The following RBBP8NL variants were observed in gnomAD, a reference collection of about 807,000 sequenced individuals.
RBBP8NL encodes the protein RBBP8 N-terminal-like protein.
Under a neutral mutation model 62.2 loss-of-function variants are expected in RBBP8NL, and 59 were observed. The ratio of observed to expected loss-of-function variants is 0.95; its 90% confidence interval spans 0.77 to 1.18. RBBP8NL has a LOEUF of 1.18. RBBP8NL is among the 50% of genes most tolerant of loss of function. The pLI is 0.00. For missense variants in RBBP8NL, 896 were observed against 899.5 expected, an observed-to-expected ratio of 1.00 and a Z score of 0.05; for synonymous variants, 412 against 394.1, an observed-to-expected ratio of 1.05 and a Z score of -0.54.
intron 6 of RBBP8NL, 87 bp downstream of exon 6, chr20:62,416,077 G>A (rs929481311): frequency 7.4e-6 from 11 of 1,488,992 alleles, no homozygotes; most frequent in Non-Finnish European, 7.3e-6. Context: ...TCCTCCATGG[G>A]CGGTTCCCCC....
Position 62,413,774 on chromosome 20 carries a change from G to T in RBBP8NL, c.1530+47C>A, listed in dbSNP as rs758916726. The T allele has an allele frequency of 3.9e-6, 6 of 1,534,478 alleles. No individual in the cohort carries two copies. The South Asian group carries it at 5.1e-5, about 13-fold the overall frequency. On this transcript the variant is annotated intron_variant, in intron 10 of 13. Transcript: ENST00000252998. ...GGGGGGAGGCCGGCCCGGGGTGGGG[G>T]ACGTGGAGGCTGAGGACCGGGTCTG... is the stretch of plus-strand genomic sequence containing the variant.
rs747792145 is a variant in RBBP8NL at position 62,415,739 on chromosome 20, T to A, written c.544+49A>T. 4.3e-6 allele frequency: 7 copies of A among 1,609,610 alleles called. No individual in the cohort carries two copies. In the East Asian group the frequency reaches 1.6e-4, roughly 36 times the overall value. On this transcript the variant is annotated intron_variant, in intron 7 of 13. Transcript: ENST00000252998. ...GGCCCAGCCCCAGGGGGAGGATCCC[T>A]GGTCCTGCGGGGGCCCAGCCTCCCA...
chr20:62,426,375 T>C (rs1483711887), intron 1 of RBBP8NL, among the ~76,000 whole-genome samples: 1 of 152,238 alleles, frequency 6.6e-6, no homozygotes, highest in Non-Finnish European at 1.5e-5. Flanking sequence ...CCCCAAGGGA[T>C]TCCCCTGCCC....
At chr20:62,413,749 G>A in intron 10 of RBBP8NL, 72 bp downstream of exon 10, 4 of 1,501,034 alleles carry the variant, frequency 2.7e-6, no homozygotes, top group Non-Finnish European at 2.7e-6. Context: ...CCCGAGGTCT[G>A]GGGGGAGGCC....
chr20:62,419,387 C>T (rs1290871398), intron 2 of RBBP8NL, among the ~76,000 whole-genome samples, 200 bp downstream of exon 2: 1 of 152,268 alleles, frequency 6.6e-6, no homozygotes, highest in East Asian at 1.9e-4. Flanking sequence ...GGTCAGCACT[C>T]GGGCCCAGGC....
Position 62,413,913 on chromosome 20 carries a change from G to A in RBBP8NL, c.1438C>T (p.Gln480Ter), listed in dbSNP as rs1988495398. 1.3e-6 allele frequency: 2 copies of A among 1,593,458 alleles called. No homozygotes were observed. Among genetic ancestry groups the A allele is most frequent in the Non-Finnish European group, 1.7e-6 (2 of 1,170,894 alleles). The change falls in exon 10 of 14, where the codon CAG (glutamine) becomes TAG (stop). Residue 480 changes from glutamine (Q) to a stop codon, truncating the protein, a stop_gained. Transcript: ENST00000252998. LOFTEE classifies it high-confidence loss of function. Reference protein sequence around the residue: ...AHTASPEPPTQSGPLTRSPQA... With the variant: ...AHTASPEPPT ...GGACTGCGAGTCAGGGGTCCGGACTGGGTGGGTGGCTCGGGGCTGGCAGTG... is the reference window on the plus strand; with the variant it reads ...GGACTGCGAGTCAGGGGTCCGGACTAGGTGGGTGGCTCGGGGCTGGCAGTG...
At chr20:62,427,340 C>T (rs1279747747) in intron 1 of RBBP8NL, 120 bp downstream of exon 1, 2 of 152,290 alleles carry the variant, frequency 1.3e-5, no homozygotes, top group African/African-American at 2.4e-5. Flanking sequence ...CACCCACCCC[C>T]GCGGCTCTCC....
At chr20:62,421,754 C>A (rs1988705376) in intron 1 of RBBP8NL, among the ~76,000 whole-genome samples, 1 of 144,472 alleles carries the variant, frequency 6.9e-6, no homozygotes, top group Non-Finnish European at 1.5e-5. Context: ...TGTGTGCATA[C>A]CCGAGCTAGT....
intron 13 of RBBP8NL, 43 bp downstream of exon 13, chr20:62,412,581 T>G: frequency 6.3e-7 from 1 of 1,588,888 alleles, no homozygotes; most frequent in Non-Finnish European, 8.5e-7. Flanking sequence ...GTGCTGTGGC[T>G]CCCCTCGCCC....
Position 62,419,681 on chromosome 20 carries a change from G to GT in RBBP8NL, c.-35_-34insA. 1 of 1,610,264 alleles carries GT rather than the reference G, an allele frequency of 6.2e-7. No homozygotes were observed. Among genetic ancestry groups the GT allele is most frequent in the South Asian group, 1.1e-5 (1 of 91,052 alleles). ...GTGGCCCTGGCCCGGGCCCCTCTGC[G>GT]CTGGGGTTGTGGAGACGCCTGCAGC... On this transcript the variant is annotated 5_prime_UTR_variant, in exon 2 of 14. Transcript: ENST00000252998.
Position 62,418,377 on chromosome 20 carries a change from G to T in RBBP8NL, c.104+46C>A, listed in dbSNP as rs368657569. ...ACTGGGGCTTCAGGGGGATGAAGTG[G>T]CCAGTGTGGTCCCTGTGAGGAGGGG... On this transcript the variant is annotated intron_variant, in intron 3 of 13. Transcript: ENST00000252998. 1.5e-4 allele frequency: 227 copies of T among 1,521,784 alleles called. No homozygotes were observed. The Middle Eastern group carries it at 1.9e-3, about 12-fold the overall frequency. 94.3% of individuals were successfully genotyped at this position (1,521,784 alleles called of 1,614,324 possible).
intron 1 of RBBP8NL, among the ~76,000 whole-genome samples, 170 bp from the exon 2 acceptor site, chr20:62,419,900 C>T (rs1223735332): frequency 6.6e-6 from 1 of 152,204 alleles, no homozygotes; most frequent in Non-Finnish European, 1.5e-5. Flanking sequence ...CGGGCAGGCA[C>T]AGAGATAGTA....
At chr20:62,422,636 CCCGGGGTGGGGATGGGGA>C (rs1569027864) in intron 1 of RBBP8NL, among the ~76,000 whole-genome samples, 44 of 89,086 alleles carry the variant, frequency 4.9e-4, no homozygotes, top group African/African-American at 6.0e-4. Flanking sequence ...GGGGATGGGG[CCCGGGGTGGGGATGGGGA>C]CCGGGGTGGG....
rs1261136287 is a variant in RBBP8NL at position 62,413,493 on chromosome 20, C to G, written c.1583G>C (p.Ser528Thr). ...GSQLSLSSPGSTEDEDTGRPL... is the reference protein window; with the variant it reads ...GSQLSLSSPGTTEDEDTGRPL... ...CCTCCCTGTGTCTTCATCTTCTGTA[C>G]TGCCTGGAGAGGACAGGCTGAGCTG... The change falls in exon 11 of 14, where the codon AGT (serine) becomes ACT (threonine). Residue 528 changes from serine (S) to threonine (T), a missense_variant. Coordinates refer to ENST00000252998, the MANE Select transcript of RBBP8NL (RefSeq NM_080833.3). The G allele has an allele frequency of 6.6e-7, 1 of 1,510,966 alleles. No individual in the cohort carries two copies. The highest frequency in any genetic ancestry group is 2.5e-5 in the East Asian group (1 of 40,408). The allele number at this position is 1,510,966 out of a possible 1,614,324, so 93.6% of individuals were successfully genotyped here.
intron 1 of RBBP8NL, among the ~76,000 whole-genome samples, chr20:62,422,914 C>T (rs191118170): frequency 5.2e-4 from 79 of 152,128 alleles, no homozygotes; most frequent in African/African-American, 1.8e-3. Flanking sequence ...TCCACAGACC[C>T]GCCTGGGCTT....
intron 1 of RBBP8NL, among the ~76,000 whole-genome samples, chr20:62,422,454 G>A (rs73319073): frequency 0.054 from 8,000 of 149,318 alleles, 755 homozygotes; most frequent in African/African-American, 0.19. Context: ...GGTGGTGGGC[G>A]TCTTTGGGGG....
Position 62,414,223 on chromosome 20 carries a change from C to T in RBBP8NL, c.1128G>A (p.Arg376=). ...ARARAGSVRP[R]GQPTPGEMLP... ...GCATCTCCCCGGGTGTGGGCTGGCC[C>T]CTTGGCCTGACACTGCCTGCCCTGG... Residue 376 remains arginine, a synonymous_variant, in exon 10 of 14, where the codon AGG becomes AGA. Coordinates refer to ENST00000252998, the MANE Select transcript of RBBP8NL (RefSeq NM_080833.3). The T allele has an allele frequency of 6.2e-7, 1 of 1,604,350 alleles. No individual in the cohort carries two copies. The highest frequency in any genetic ancestry group is 2.2e-5 in the East Asian group (1 of 44,642).
Position 62,413,437 on chromosome 20 carries a change from G to A in RBBP8NL, c.1639C>T (p.Pro547Ser), listed in dbSNP as rs762399547. The change falls in exon 11 of 14, where the codon CCC (proline) becomes TCC (serine). Residue 547 changes from proline (P) to serine (S), a missense_variant. Physicochemically the swap from Pro to Ser is moderately conservative, Grantham distance 74. Coordinates refer to ENST00000252998, the MANE Select transcript of RBBP8NL (RefSeq NM_080833.3). Reference sequence around the variant, plus strand: ...TCCAGGTCAGGCGGCTGTGGGTGGGGAGGCGGCTGTGGGTGGGGAGGTGGC... The same window carrying A: ...TCCAGGTCAGGCGGCTGTGGGTGGGAAGGCGGCTGTGGGTGGGGAGGTGGC... ...PLPPPHPQPP[P>S]HPQPPDLDGH... is the part of the protein sequence containing the mutation. 11 of 1,461,136 alleles carry A rather than the reference G, an allele frequency of 7.5e-6. No individual in the cohort carries two copies. Among genetic ancestry groups the A allele is most frequent in the African/African-American group, 1.4e-5 (1 of 68,996 alleles). 90.5% of individuals were successfully genotyped at this position (1,461,136 alleles called of 1,614,324 possible).
chr20:62,415,812 G>A lies in RBBP8NL; in HGVS notation c.520C>T (p.Gln174Ter). The stretch of plus-strand genomic sequence containing the variant: ...CCTTCTCCCCGTAGGCCCACGCCCT[G>A]GTGGTCTTCCTCAGCCTCCTCGTGG... ...GGHEEAEEDHQGVGLRGEEKP... is the reference protein window; with the variant it reads ...GGHEEAEEDH The change falls in exon 7 of 14, where the codon CAG becomes TAG. Residue 174 changes from glutamine to a stop codon, truncating the protein, a stop_gained. Coordinates refer to ENST00000252998, the MANE Select transcript of RBBP8NL (RefSeq NM_080833.3). LOFTEE classifies it high-confidence loss of function. 6.2e-7 allele frequency: 1 copy of A among 1,612,464 alleles called. No individual in the cohort carries two copies. Among genetic ancestry groups the A allele is most frequent in the Non-Finnish European group, 8.5e-7 (1 of 1,179,904 alleles).
Sources: gnomAD v4.1 joint callset for allele counts (sites outside exome capture counted in the v4.1 genomes callset) on GRCh38, gnomAD v4.1.1 for gene constraint, MANE v1.5 for transcripts, NCBI Gene and HGNC (gene_info 2026-07-23, HGNC 2026-07-21) for gene names.